Variants in DMXL1 observed in about 807,000 individuals in gnomAD.
DMXL1 encodes Dmx like 1.
A neutral mutation model predicts 319.2 loss-of-function variants in DMXL1; 99 were observed. The ratio of observed to expected loss-of-function variants is 0.31; its 90% CI spans 0.26 to 0.37. The LOEUF (loss-of-function observed/expected upper bound fraction) is 0.37, where lower values mean the gene tolerates loss of function less well. DMXL1 is among the 10% of genes least tolerant of loss of function. DMXL1 has a pLI of 1.00. For synonymous variants in DMXL1, 1,385 were observed against 1,235.2 expected (o/e 1.12, Z -2.54); for missense variants, 3,745 against 3,595.6 (o/e 1.04, Z -1.06).
chr5:119,149,572 C>A lies in DMXL1; in HGVS notation c.3745C>A (p.Pro1249Thr), dbSNP rs1769315872. ...CQWQPSSKQE[P>T]VITDSYSGST... ...ATGGCAACCATCTTCTAAACAAGAA[C>A]CTGTTATAACAGATTCGTACAGTGG... Residue 1249 changes from proline (P) to threonine (T), a missense_variant, in exon 18 of 44, where the codon CCT becomes ACT. By Grantham distance (38) the Pro-to-Thr change is conservative. Coordinates refer to ENST00000539542, the MANE Select transcript of DMXL1 (RefSeq NM_001290321.3). 6.2e-7 allele frequency: 1 copy of A among 1,613,884 alleles called. No homozygotes were observed. Among genetic ancestry groups the A allele is most frequent in the South Asian group, 1.1e-5 (1 of 91,078 alleles).
chr5:119,103,156 A>G (rs571900068), intron 3 of DMXL1, among the ~76,000 whole-genome samples: 4 of 151,502 alleles, frequency 2.6e-5, no homozygotes, highest in South Asian at 2.1e-4. Context: ...TTCTGGGTCT[A>G]TCTAGCTAGT....
chr5:119,121,885 G>T (rs1338852016), intron 9 of DMXL1, among the ~76,000 whole-genome samples: 1 of 149,026 alleles, frequency 6.7e-6, no homozygotes, highest in Admixed American at 6.6e-5. Context: ...TCACCTCCTG[G>T]ACGGGGCGGC....
At chr5:119,093,116 T>C (rs1755160491) in intron 1 of DMXL1, among the ~76,000 whole-genome samples, 2 of 152,198 alleles carry the variant, frequency 1.3e-5, no homozygotes, top group African/African-American at 4.8e-5. Context: ...CAGCACTATT[T>C]TTCCAGTTGC....
intron 9 of DMXL1, chr5:119,127,377 G>T (rs1763839755): frequency 6.9e-6 from 1 of 144,912 alleles, no homozygotes; most frequent in Non-Finnish European, 1.5e-5. Flanking sequence ...TTGAGACAGA[G>T]TCTCGCTCTG....
At chr5:119,117,860 T>C (rs1463667503) in intron 7 of DMXL1, among the ~76,000 whole-genome samples, 1 of 152,264 alleles carries the variant, frequency 6.6e-6, no homozygotes, top group African/African-American at 2.4e-5. Context: ...AAGTGGCTAC[T>C]AGACAATATT....
intron 34 of DMXL1, among the ~76,000 whole-genome samples, chr5:119,211,463 G>A (rs1436327973): frequency 3.9e-5 from 6 of 152,208 alleles, no homozygotes; most frequent in South Asian, 2.1e-4. Context: ...TTCAAGAAGT[G>A]TACATTTCAT....
At chr5:119,212,198 A>G (rs991914136) in intron 34 of DMXL1, among the ~76,000 whole-genome samples, 1 of 152,144 alleles carries the variant, frequency 6.6e-6, no homozygotes, top group Non-Finnish European at 1.5e-5. Flanking sequence ...TGCCCGCTAA[A>G]CAACAGCTCC....
chr5:119,192,466 A>G (rs1023820298), intron 29 of DMXL1, among the ~76,000 whole-genome samples: 1 of 152,094 alleles, frequency 6.6e-6, no homozygotes, highest in Non-Finnish European at 1.5e-5. Flanking sequence ...TCCCACTCAC[A>G]TTCAGCTTTT....
intron 19 of DMXL1, among the ~76,000 whole-genome samples, chr5:119,155,698 C>A (rs1008234277): frequency 6.6e-6 from 1 of 151,636 alleles, no homozygotes; most frequent in South Asian, 2.1e-4. Flanking sequence ...TTTAGTGTTA[C>A]GTGCCTGTAG....
intron 13 of DMXL1, among the ~76,000 whole-genome samples, chr5:119,137,559 T>A (rs756972979): frequency 2.0e-5 from 3 of 152,182 alleles, no homozygotes; most frequent in Non-Finnish European, 2.9e-5. Flanking sequence ...TTGCCACATA[T>A]CAAGGGAGGC....
intron 29 of DMXL1, 119 bp downstream of exon 29, chr5:119,190,005 A>G (rs914360433): frequency 8.6e-6 from 8 of 932,550 alleles, no homozygotes; most frequent in Admixed American, 2.7e-5. Flanking sequence ...GAAAATTTTC[A>G]TTAGTATCAG....
chr5:119,242,787 A>T (rs1445850542), intron 42 of DMXL1, among the ~76,000 whole-genome samples: 2 of 152,234 alleles, frequency 1.3e-5, no homozygotes, highest in African/African-American at 4.8e-5. Context: ...TGGGGAGCCC[A>T]CTAATAGACT....
chr5:119,187,975 G>A (rs1254374935), intron 28 of DMXL1, among the ~76,000 whole-genome samples: 2 of 152,052 alleles, frequency 1.3e-5, no homozygotes, highest in Non-Finnish European at 2.9e-5. Flanking sequence ...TTTAATAAGT[G>A]GTTTTATACT....
At chr5:119,133,056 C>T in intron 10 of DMXL1, 76 bp from the exon 11 acceptor site, 1 of 1,527,236 alleles carries the variant, frequency 6.5e-7, no homozygotes, top group Admixed American at 1.9e-5. Context: ...TTCAGCTATC[C>T]AGAAGCTCGG....
rs1190464884 is a variant in DMXL1 at position 119,237,782 on chromosome 5, GAACA to G, written c.8559+375_8559+378del. ...TTATTTTTCTGCAATTATCTCTTAT[GAACA>G]AACAAAGTGAAAAGGACATCCTATA... On this transcript the variant is annotated intron_variant, in intron 40 of 43. Coordinates refer to ENST00000539542, the MANE Select transcript of DMXL1 (RefSeq NM_001290321.3). 5.3e-5 allele frequency among the ~76,000 whole-genome samples: 8 copies of G among 151,900 alleles called. No homozygotes were observed. In the South Asian group the frequency reaches 1.2e-3, roughly 24 times the overall value.
intron 21 of DMXL1, among the ~76,000 whole-genome samples, 194 bp from the exon 22 acceptor site, chr5:119,166,422 T>C (rs1333782209): frequency 6.6e-6 from 1 of 152,232 alleles, no homozygotes; most frequent in African/African-American, 2.4e-5. Flanking sequence ...AAAAATTTTT[T>C]GTAATCTCTG....
chr5:119,120,770 C>G (rs372286569), intron 8 of DMXL1, among the ~76,000 whole-genome samples: 6 of 152,154 alleles, frequency 3.9e-5, no homozygotes, highest in Non-Finnish European at 5.9e-5. Context: ...TAAGTCATAA[C>G]TTTATTCTTC....
Position 119,133,203 on chromosome 5 carries a change from C to A in DMXL1, c.1387C>A (p.Pro463Thr). ...GGAATTAGGCTGTGATAAAATGGTACCAAACTCAAGTTTTACATCATTATC... is the reference window on the plus strand; with the variant it reads ...GGAATTAGGCTGTGATAAAATGGTAACAAACTCAAGTTTTACATCATTATC... ...KKELGCDKMV[P>T]NSSFTSLSSA... The change falls in exon 11 of 44, where the codon CCA becomes ACA. Residue 463 changes from proline (P) to threonine (T), a missense_variant. Physicochemically the swap from Pro to Thr is conservative, Grantham distance 38. This residue lies in a region of DMXL1 where 2,096 missense variants were observed against 1,985.4 expected (regional missense o/e 1.06). Coordinates refer to ENST00000539542, the MANE Select transcript of DMXL1 (RefSeq NM_001290321.3). 1 of 1,614,118 alleles carries A rather than the reference C, an allele frequency of 6.2e-7. No homozygotes were observed. Among genetic ancestry groups the A allele is most frequent in the Non-Finnish European group, 8.5e-7 (1 of 1,180,006 alleles).
chr5:119,189,990 G>A (rs1170159831), intron 29 of DMXL1, 104 bp downstream of exon 29: 16 of 1,191,698 alleles, frequency 1.3e-5, no homozygotes, highest in Non-Finnish European at 1.6e-5. Flanking sequence ...TCCCACTTTG[G>A]TTTAGAAAAT....
Sources: gnomAD v4.1 joint callset for allele counts (sites outside exome capture counted in the v4.1 genomes callset) on GRCh38, gnomAD v4.1.1 for gene constraint, gnomAD v4.1.1 regional missense constraint, MANE v1.5 for transcripts, NCBI Gene and HGNC (gene_info 2026-07-23, HGNC 2026-07-21) for gene names.